Variants in SUMF1 observed in about 807,000 individuals in gnomAD.
SUMF1 encodes the protein formylglycine-generating enzyme.
SUMF1 carries 48 observed loss-of-function variants against 47.6 expected under a neutral mutation model. That is an observed-to-expected ratio of 1.01 (90% CI 0.80 to 1.28). SUMF1 has a LOEUF of 1.28. Ranked by LOEUF, SUMF1 falls within the 50% of genes most tolerant of loss-of-function variation. The pLI, the probability that SUMF1 is intolerant of heterozygous loss-of-function variation, is 0.00. For synonymous variants in SUMF1, 230 were observed against 192.1 expected (o/e 1.20, Z -1.63); for missense variants, 571 against 485.4 (o/e 1.18, Z -1.66).
chr3:4,116,279 G>A (rs1202308984), intron 8 of SUMF1, among the ~76,000 whole-genome samples: 1 of 152,004 alleles, frequency 6.6e-6, no homozygotes, highest in Non-Finnish European at 1.5e-5. Flanking sequence ...AACATCAAGG[G>A]CCACATCTCT....
chr3:4,231,812 C>G (rs530552995), intron 8 of SUMF1, among the ~76,000 whole-genome samples: 9 of 152,148 alleles, frequency 5.9e-5, no homozygotes, highest in African/African-American at 2.2e-4. Context: ...ATCCGGAAAA[C>G]AAAAATCATC....
intron 8 of SUMF1, among the ~76,000 whole-genome samples, chr3:4,141,923 T>A (rs9859741): frequency 1.2e-3 from 182 of 151,884 alleles, no homozygotes; most frequent in African/African-American, 4.1e-3. Flanking sequence ...GGAACCCACA[T>A]GTTTTCAAAA....
intron 9 of SUMF1, among the ~76,000 whole-genome samples, chr3:4,063,006 A>C (rs1695300231): frequency 6.6e-6 from 1 of 152,146 alleles, no homozygotes; most frequent in African/African-American, 2.4e-5. Context: ...TGTCCTGATA[A>C]TGAATAGTCC....
intron 3 of SUMF1, among the ~76,000 whole-genome samples, chr3:4,423,531 C>T (rs1452019381): frequency 2.6e-5 from 4 of 152,084 alleles, no homozygotes; most frequent in Non-Finnish European, 5.9e-5. Context: ...TATTGAGCAC[C>T]GACTGTATGG....
intron 7 of SUMF1, among the ~76,000 whole-genome samples, chr3:4,388,192 T>G (rs1045694537): frequency 6.6e-6 from 1 of 152,062 alleles, no homozygotes; most frequent in Non-Finnish European, 1.5e-5. Flanking sequence ...AAATTGTGGA[T>G]TAGTCTACTT....
At chr3:4,163,874 T>C (rs1694639827) in intron 8 of SUMF1, among the ~76,000 whole-genome samples, 1 of 151,976 alleles carries the variant, frequency 6.6e-6, no homozygotes. Flanking sequence ...TGGAAAGGAG[T>C]GGGGAAGACC....
intron 8 of SUMF1, among the ~76,000 whole-genome samples, chr3:4,114,003 G>C (rs554266128): frequency 6.6e-6 from 1 of 152,066 alleles, no homozygotes; most frequent in Non-Finnish European, 1.5e-5. Context: ...GATTTTAAAA[G>C]ATGCTGATTG....
chr3:4,166,785 T>C (rs1288518668), intron 8 of SUMF1, among the ~76,000 whole-genome samples: 1 of 152,038 alleles, frequency 6.6e-6, no homozygotes, highest in East Asian at 1.9e-4. Context: ...GAGAGCTGAA[T>C]GGCTTCCCTC....
rs370590696 is a variant in SUMF1, at chr3:4,249,529, C to T, written c.1014+126801G>A. 5.9e-5 allele frequency among the ~76,000 whole-genome samples: 9 copies of T among 152,202 alleles called. No homozygotes were observed. The South Asian group carries it at 6.2e-4, about 11-fold the overall frequency. On this transcript the variant is annotated intron_variant and NMD_transcript_variant, in intron 8 of 12. Transcript: ENST00000448413. ...AACTGTTTGGGGGCACCACAAATCACGTCCATATAAGATGGCAAACTTAAT... is the reference window on the plus strand; with the variant it reads ...AACTGTTTGGGGGCACCACAAATCATGTCCATATAAGATGGCAAACTTAAT...
At chr3:4,456,705 C>CACACATATATACGTGTGT (rs2079623961) in intron 1 of SUMF1, among the ~76,000 whole-genome samples, 5 of 101,162 alleles carry the variant, frequency 4.9e-5, no homozygotes, top group African/African-American at 2.2e-4. Context: ...TATATATATA[C>CACACATATATACGTGTGT]GTATATATAT....
intron 8 of SUMF1, among the ~76,000 whole-genome samples, chr3:4,290,324 T>A (rs959186771): frequency 4.0e-5 from 6 of 149,582 alleles, no homozygotes; most frequent in Non-Finnish European, 7.3e-5. Flanking sequence ...AACGTTTATC[T>A]GAATTTTCTC....
At chr3:4,226,260 G>GTTTTTT (rs1559587286) in intron 8 of SUMF1, among the ~76,000 whole-genome samples, 1 of 110,716 alleles carries the variant, frequency 9.0e-6, no homozygotes, top group East Asian at 3.0e-4. Context: ...TTTTTTTTTT[G>GTTTTTT]TTTCTTTTTT....
intron 7 of SUMF1, among the ~76,000 whole-genome samples, chr3:4,410,643 C>T (rs1447599401): frequency 2.0e-5 from 3 of 152,186 alleles, no homozygotes; most frequent in Admixed American, 6.5e-5. Flanking sequence ...AAATAGTTAT[C>T]ACCATCACAA....
intron 8 of SUMF1, among the ~76,000 whole-genome samples, chr3:4,193,340 C>A (rs1251083372): frequency 6.6e-6 from 1 of 152,076 alleles, no homozygotes; most frequent in Non-Finnish European, 1.5e-5. Flanking sequence ...TATAATAAGA[C>A]TGTAAGTGTA....
chr3:4,082,170 T>C (rs1229127848), intron 8 of SUMF1, among the ~76,000 whole-genome samples: 1 of 152,140 alleles, frequency 6.6e-6, no homozygotes, highest in African/African-American at 2.4e-5. Context: ...CTGAAATCAT[T>C]ATTTTAAAAA....
At chr3:4,060,742 G>A (rs1420876740) in intron 9 of SUMF1, among the ~76,000 whole-genome samples, 1 of 152,132 alleles carries the variant, frequency 6.6e-6, no homozygotes, top group African/African-American at 2.4e-5. Flanking sequence ...ATTCAGAACT[G>A]CAAATGAGGG....
intron 9 of SUMF1, among the ~76,000 whole-genome samples, chr3:4,043,134 G>T (rs553532001): frequency 6.6e-6 from 1 of 151,920 alleles, no homozygotes; most frequent in Non-Finnish European, 1.5e-5. Context: ...CTACAACTTC[G>T]ACTCTTATCT....
At chr3:4,075,993 T>G (rs534954946) in intron 8 of SUMF1, among the ~76,000 whole-genome samples, 1 of 152,166 alleles carries the variant, frequency 6.6e-6, no homozygotes, top group African/African-American at 2.4e-5. Flanking sequence ...AAAGCTACTT[T>G]AAATTTCACA....
intron 8 of SUMF1, among the ~76,000 whole-genome samples, chr3:4,081,880 A>G (rs919002221): frequency 6.6e-6 from 1 of 152,168 alleles, no homozygotes; most frequent in Non-Finnish European, 1.5e-5. Flanking sequence ...CTGGTCCATC[A>G]TACTTAATGA....
Sources: allele counts gnomAD v4.1 joint callset (sites outside exome capture counted in the v4.1 genomes callset), GRCh38; gene constraint gnomAD v4.1.1; transcripts MANE v1.5; gene names NCBI Gene and HGNC (gene_info 2026-07-23, HGNC 2026-07-21).